NDUFAF6: variants seen among roughly 807,000 people sequenced by gnomAD.
NDUFAF6 encodes NADH dehydrogenase (ubiquinone) complex I, assembly factor 6.
NDUFAF6 carries 45 observed loss-of-function variants against 40.8 expected under a neutral mutation model. The ratio of observed to expected loss-of-function variants is 1.10; its 90% CI spans 0.87 to 1.42. The LOEUF (loss-of-function observed/expected upper bound fraction) is 1.42, where lower values mean the gene tolerates loss of function less well. NDUFAF6 is among the 40% of genes most tolerant of loss of function. The pLI, the probability that NDUFAF6 is intolerant of heterozygous loss-of-function variation, is 0.00. For synonymous variants in NDUFAF6, 185 were observed against 155.9 expected (o/e 1.19, Z -1.39); for missense variants, 435 against 418.5 (o/e 1.04, Z -0.34).
chr8:95,071,290 C>T lies in NDUFAF6; in HGVS notation c.*512-4343C>T, dbSNP rs1341107965. On this transcript the variant is annotated intron_variant and NMD_transcript_variant, in intron 9 of 9. Transcript: ENST00000520757. ...GCGGGCGCCTGTAGTCCCAGCTACT[C>T]GGGAGGCTGAGGCAGGAGAATGGCG... Among the ~76,000 whole-genome samples the T allele has an allele frequency of 2.7e-5, 4 of 148,294 alleles. No individual in the cohort carries two copies. In the Admixed American group the frequency reaches 2.7e-4, roughly 10 times the overall value.
At chr8:95,083,969 T>G (rs986413906) in intron 2 of NDUFAF6, among the ~76,000 whole-genome samples, 6 of 152,204 alleles carry the variant, frequency 3.9e-5, no homozygotes, top group South Asian at 2.1e-4. Flanking sequence ...TCCATGCATC[T>G]TAGATTAAGG....
chr8:95,112,879 T>C (rs928723629), intron 4 of NDUFAF6, among the ~76,000 whole-genome samples: 1 of 152,254 alleles, frequency 6.6e-6, no homozygotes, highest in Admixed American at 6.5e-5. Flanking sequence ...GGATGCCCCA[T>C]GGGCTGACAA....
chr8:95,079,800 C>A (rs948021589), downstream of NDUFAF6, among the ~76,000 whole-genome samples: 1 of 151,674 alleles, frequency 6.6e-6, no homozygotes, highest in African/African-American at 2.4e-5. Flanking sequence ...TTGCAACCTC[C>A]GTCTCCCAGG....
Position 95,058,467 on chromosome 8 carries a change from T to TG in NDUFAF6, c.*531dup. On this transcript the variant is annotated 3_prime_UTR_variant, in exon 9 of 9. Coordinates refer to ENST00000396124, the MANE Select transcript of NDUFAF6 (RefSeq NM_152416.4). ...CCTTAACGTTTAATTTTTACAATCT[T>TG]GTGTAAAAATTTATCCATGATAATA... The TG allele has an allele frequency of 8.1e-7, 1 of 1,229,818 alleles. No individual in the cohort carries two copies. Among genetic ancestry groups the TG allele is most frequent in the Non-Finnish European group, 1.0e-6 (1 of 987,124 alleles). The allele number at this position is 1,229,818 out of a possible 1,614,324, so 76.2% of individuals were successfully genotyped here.
chr8:95,062,157 A>C (rs938768525), downstream of NDUFAF6, among the ~76,000 whole-genome samples: 5 of 120,954 alleles, frequency 4.1e-5, no homozygotes, highest in South Asian at 2.3e-4. Flanking sequence ...ACCGTGGCTC[A>C]AAAAAAAAAA....
chr8:94,997,331 CACACACACACACAGAG>C (rs1205870692), intron 2 of NDUFAF6, among the ~76,000 whole-genome samples: 13 of 139,276 alleles, frequency 9.3e-5, no homozygotes, highest in African/African-American at 1.1e-4. Context: ...CACACACACA[CACACACACACACAGAG>C]AGAGAGAGAG....
Position 94,931,944 on chromosome 8 carries a change from C to T in NDUFAF6, c.-935-13539C>T, listed in dbSNP as rs1321397267. ...CCAATATCACACCATTGCACTCCAG[C>T]CTGAGTGACAGAGTGAGACTCCATC... is the stretch of plus-strand genomic sequence containing the variant. On this transcript the variant is annotated intron_variant, in intron 1 of 14. Transcript: ENST00000396113. 10 of 891,208 alleles carry T rather than the reference C, an allele frequency of 1.1e-5. No individual in the cohort carries two copies. The African/African-American group carries it at 1.3e-4, about 12-fold the overall frequency. The allele number at this position is 891,208 out of a possible 1,614,324, so 55.2% of individuals were successfully genotyped here.
At chr8:94,956,022 C>T (rs951386691), upstream of NDUFAF6, among the ~76,000 whole-genome samples, 1 of 152,176 alleles carries the variant, frequency 6.6e-6, no homozygotes, top group Non-Finnish European at 1.5e-5. Flanking sequence ...GCAGCTGAAT[C>T]AGCTGAATCT....
intron 2 of NDUFAF6, among the ~76,000 whole-genome samples, chr8:95,010,967 A>G (rs1414067320): frequency 6.6e-6 from 1 of 152,232 alleles, no homozygotes; most frequent in Non-Finnish European, 1.5e-5. Flanking sequence ...GAGCACAGAT[A>G]GTACATTAAA....
chr8:95,086,235 C>T (rs1809038937), intron 2 of NDUFAF6, among the ~76,000 whole-genome samples: 1 of 152,128 alleles, frequency 6.6e-6, no homozygotes, highest in South Asian at 2.1e-4. Flanking sequence ...AAAAAGCAGC[C>T]CTACCTTTAA....
intron 4 of NDUFAF6, among the ~76,000 whole-genome samples, chr8:95,109,962 C>A (rs999316958): frequency 7.9e-5 from 12 of 152,300 alleles, no homozygotes; most frequent in Non-Finnish European, 1.3e-4. Context: ...TCTTTATCAT[C>A]TTTGAATTAC....
At chr8:94,997,351 G>C (rs1024168971) in intron 2 of NDUFAF6, among the ~76,000 whole-genome samples, 510 of 146,870 alleles carry the variant, frequency 3.5e-3, no homozygotes, top group Middle Eastern at 0.01. Flanking sequence ...CACAGAGAGA[G>C]AGAGAGAGAG....
chr8:95,052,976 A>T (rs1176774246), intron 8 of NDUFAF6, among the ~76,000 whole-genome samples: 1 of 152,162 alleles, frequency 6.6e-6, no homozygotes, highest in Non-Finnish European at 1.5e-5. Flanking sequence ...TAGCAAAAAT[A>T]TGGTTACTTC....
intron 7 of NDUFAF6, among the ~76,000 whole-genome samples, chr8:95,048,839 A>C (rs536250520): frequency 2.4e-3 from 358 of 152,228 alleles, no homozygotes; most frequent in African/African-American, 7.9e-3. Flanking sequence ...CTTGGAAGAC[A>C]GGGTGTCTTT....
intron 1 of NDUFAF6, among the ~76,000 whole-genome samples, chr8:94,912,647 A>C (rs1317061564): frequency 1.3e-5 from 2 of 151,938 alleles, no homozygotes; most frequent in African/African-American, 4.8e-5. Context: ...AAAAAAAAGA[A>C]AGAAAAATAC....
intron 2 of NDUFAF6, among the ~76,000 whole-genome samples, chr8:95,018,936 C>A (rs1586977812): frequency 6.6e-6 from 1 of 152,208 alleles, no homozygotes; most frequent in Non-Finnish European, 1.5e-5. Flanking sequence ...TGGTACATAG[C>A]TGTAACTCCA....
chr8:95,038,185 A>C (rs1490294070), intron 3 of NDUFAF6, among the ~76,000 whole-genome samples: 3 of 151,956 alleles, frequency 2.0e-5, no homozygotes, highest in Non-Finnish European at 2.9e-5. Flanking sequence ...CTTATTGTTA[A>C]TATTTTATCC....
chr8:95,107,621 A>G (rs1490243548), downstream of NDUFAF6, among the ~76,000 whole-genome samples: 1 of 152,164 alleles, frequency 6.6e-6, no homozygotes, highest in African/African-American at 2.4e-5. Flanking sequence ...TAGAACTTAA[A>G]GTGTAATAAA....
intron 1 of NDUFAF6, among the ~76,000 whole-genome samples, chr8:94,963,416 A>G (rs991564536): frequency 1.3e-5 from 2 of 152,234 alleles, no homozygotes; most frequent in Non-Finnish European, 2.9e-5. Flanking sequence ...ACAAAATGCT[A>G]TGGAAACCCA....
Sources: gnomAD v4.1 joint callset for allele counts (sites outside exome capture counted in the v4.1 genomes callset) on GRCh38, gnomAD v4.1.1 for gene constraint, MANE v1.5 for transcripts, NCBI Gene and HGNC (gene_info 2026-07-23, HGNC 2026-07-21) for gene names.